CHL1: variants seen among roughly 807,000 people sequenced by gnomAD.
CHL1 encodes the protein neural cell adhesion molecule L1-like protein.
CHL1 carries 96 observed loss-of-function variants against 141.9 expected under a neutral mutation model. That is an observed-to-expected ratio of 0.68 (90% CI 0.57 to 0.80). The LOEUF is 0.80. CHL1 is among the 30% of genes least tolerant of loss of function. The pLI, the probability that CHL1 is intolerant of heterozygous loss-of-function variation, is 0.00. For synonymous variants in CHL1, 613 were observed against 502.2 expected (o/e 1.22, Z -2.95); for missense variants, 1,820 against 1,457.2 (o/e 1.25, Z -4.05).
intron 2 of CHL1, among the ~76,000 whole-genome samples, chr3:253,105 T>C (rs1440000222): frequency 2.6e-5 from 4 of 152,162 alleles, no homozygotes; most frequent in African/African-American, 9.7e-5. Flanking sequence ...CCTTAATTTC[T>C]CATCAGTAAA....
At chr3:257,876 A>G (rs1694323083) in intron 2 of CHL1, among the ~76,000 whole-genome samples, 1 of 152,334 alleles carries the variant, frequency 6.6e-6, no homozygotes, top group South Asian at 2.1e-4. Context: ...AATCATAATC[A>G]TGTCACTTAA....
intron 2 of CHL1, among the ~76,000 whole-genome samples, chr3:272,681 T>C (rs755888375): frequency 6.6e-6 from 1 of 152,222 alleles, no homozygotes; most frequent in African/African-American, 2.4e-5. Flanking sequence ...GAAGAGCTTA[T>C]GTTCAAATAG....
chr3:338,054 C>A (rs1006936886), intron 5 of CHL1, among the ~76,000 whole-genome samples: 4 of 152,084 alleles, frequency 2.6e-5, no homozygotes, highest in Non-Finnish European at 5.9e-5. Flanking sequence ...TTAGTAGAGA[C>A]GGGGTTTCAC....
Position 332,587 on chromosome 3 carries a change from G to C in CHL1, c.385+4233G>C, listed in dbSNP as rs1230664172. 2.6e-5 allele frequency among the ~76,000 whole-genome samples: 4 copies of C among 152,042 alleles called. No homozygotes were observed. The East Asian group carries it at 5.8e-4, about 22-fold the overall frequency. On this transcript the variant is annotated intron_variant, in intron 5 of 27. Coordinates refer to ENST00000256509, the MANE Select transcript of CHL1 (RefSeq NM_006614.4). ...TATTCTTAAAATGAGTAAGTGTGAAGCATCCCGTTTGTCTCAAGTGGACAT... is the reference window on the plus strand; with the variant it reads ...TATTCTTAAAATGAGTAAGTGTGAACCATCCCGTTTGTCTCAAGTGGACAT...
rs145634948 is a variant in CHL1, at chr3:294,787, G to T, written c.-94-24896G>T. 1.2e-3 allele frequency among the ~76,000 whole-genome samples: 189 copies of T among 152,240 alleles called. 4 individuals carry two copies. In the South Asian group the frequency reaches 0.02, roughly 16 times the overall value. On this transcript the variant is annotated intron_variant, in intron 2 of 27. Coordinates refer to ENST00000256509, the MANE Select transcript of CHL1 (RefSeq NM_006614.4). Reference sequence around the variant, plus strand: ...ATACCTCTTGACCTTCAAAACTGCGGTCGACCACAATTCAGATTTTGAGCT... The same window carrying T: ...ATACCTCTTGACCTTCAAAACTGCGTTCGACCACAATTCAGATTTTGAGCT...
At chr3:271,277 T>C (rs1432950335) in intron 2 of CHL1, among the ~76,000 whole-genome samples, 3 of 152,156 alleles carry the variant, frequency 2.0e-5, no homozygotes, top group Non-Finnish European at 4.4e-5. Context: ...TACTTTATTG[T>C]GCTATTGTTT....
At chr3:198,461 A>G (rs1052684323) in intron 1 of CHL1, among the ~76,000 whole-genome samples, 1 of 152,180 alleles carries the variant, frequency 6.6e-6, no homozygotes, top group African/African-American at 2.4e-5. Context: ...CGGGACGCCC[A>G]CGTGGCTTCG....
chr3:224,500 C>CTGGTTGTT (rs1300879527), intron 1 of CHL1, among the ~76,000 whole-genome samples: 23 of 152,016 alleles, frequency 1.5e-4, no homozygotes, highest in African/African-American at 5.3e-4. Flanking sequence ...CTCATGAGAT[C>CTGGTTGTT]TGGTTGTTTA....
At chr3:314,277 A>G (rs1040196394) in intron 2 of CHL1, among the ~76,000 whole-genome samples, 4 of 143,306 alleles carry the variant, frequency 2.8e-5, no homozygotes, top group African/African-American at 1.0e-4. Context: ...AAAGATTAGC[A>G]TAACCTCCCC....
chr3:209,036 T>C (rs867583986), intron 1 of CHL1, among the ~76,000 whole-genome samples: 13 of 152,236 alleles, frequency 8.5e-5, no homozygotes, highest in Non-Finnish European at 1.9e-4. Flanking sequence ...ATGACTATAA[T>C]GAGATGTCTC....
intron 2 of CHL1, among the ~76,000 whole-genome samples, chr3:288,530 C>A (rs537586586): frequency 6.6e-6 from 1 of 152,256 alleles, no homozygotes; most frequent in Non-Finnish European, 1.5e-5. Flanking sequence ...TGTCTTTTGG[C>A]TCTGTTGCAT....
intron 2 of CHL1, among the ~76,000 whole-genome samples, chr3:286,780 A>G (rs531207688): frequency 7.1e-4 from 108 of 152,284 alleles, no homozygotes; most frequent in Middle Eastern, 3.4e-3. Flanking sequence ...GCGGTAGGCA[A>G]TTCCCAGAAC....
chr3:323,367 T>C (rs1266869828), intron 3 of CHL1, among the ~76,000 whole-genome samples: 4 of 152,120 alleles, frequency 2.6e-5, no homozygotes, highest in African/African-American at 9.7e-5. Context: ...CAATTTTTGA[T>C]ATTCTATAAT....
intron 2 of CHL1, among the ~76,000 whole-genome samples, chr3:279,357 C>T (rs758340749): frequency 1.3e-5 from 2 of 151,828 alleles, no homozygotes; most frequent in Non-Finnish European, 2.9e-5. Flanking sequence ...TTATTTTAAT[C>T]GAGGGGGGAG....
chr3:389,549 A>T, intron 20 of CHL1, 75 bp downstream of exon 20: 3 of 1,161,962 alleles, frequency 2.6e-6, no homozygotes, highest in Non-Finnish European at 3.8e-6. Context: ...CAATCAACAA[A>T]TATTTGTGAA....
At chr3:401,410 C>T (rs982999357) in intron 26 of CHL1, among the ~76,000 whole-genome samples, 10 of 152,090 alleles carry the variant, frequency 6.6e-5, no homozygotes, top group African/African-American at 1.7e-4. Flanking sequence ...GCAGGTGTGA[C>T]GACAAGTAGA....
chr3:298,797 A>T (rs192383634), intron 2 of CHL1, among the ~76,000 whole-genome samples: 1 of 152,176 alleles, frequency 6.6e-6, no homozygotes, highest in East Asian at 1.9e-4. Context: ...GGTGATATGG[A>T]TACAGAGATT....
chr3:226,579 G>C (rs1207281030), intron 1 of CHL1, among the ~76,000 whole-genome samples: 1 of 151,312 alleles, frequency 6.6e-6, no homozygotes, highest in Non-Finnish European at 1.5e-5. Context: ...CCTCCCGAGT[G>C]GCTGGGATTA....
intron 3 of CHL1, among the ~76,000 whole-genome samples, chr3:320,865 T>C (rs1276354807): frequency 1.3e-5 from 2 of 152,054 alleles, no homozygotes; most frequent in East Asian, 3.9e-4. Context: ...TCAGGAATAA[T>C]CTCTATTGCA....
Sources: gnomAD v4.1 joint callset for allele counts (sites outside exome capture counted in the v4.1 genomes callset) on GRCh38, gnomAD v4.1.1 for gene constraint, MANE v1.5 for transcripts, NCBI Gene and HGNC (gene_info 2026-07-23, HGNC 2026-07-21) for gene names.